BCL3: variants seen among roughly 807,000 people sequenced by gnomAD.
BCL3 encodes B-cell lymphoma 3 protein.
Under a neutral mutation model 35.7 loss-of-function variants are expected in BCL3, and 15 were observed. The ratio of observed to expected loss-of-function variants is 0.42; its 90% CI spans 0.28 to 0.65. BCL3 has a LOEUF of 0.65. BCL3 is among the 30% of genes least tolerant of loss of function. The pLI is 0.22. For synonymous variants in BCL3, 311 were observed against 284.3 expected, an observed-to-expected ratio of 1.09 and a Z score of -0.95; for missense variants, 565 against 641.7, an observed-to-expected ratio of 0.88 and a Z score of 1.29.
At position 44,748,836 on chromosome 19, in the gene BCL3, C is replaced by T. The variant is rs1967118370; in HGVS notation, c.46C>T (p.Leu16=). The part of the protein sequence containing the change: ...AGAMDEGPVD[L]RTRPKAAGLP... ...GGCCATGGACGAGGGGCCCGTGGACCTGCGCACCCGGCCCAAGGCCGCCGG... is the reference window on the plus strand; with the variant it reads ...GGCCATGGACGAGGGGCCCGTGGACTTGCGCACCCGGCCCAAGGCCGCCGG... Residue 16 remains leucine (L), a synonymous_variant, in exon 1 of 9, where the codon CTG becomes TTG. Coordinates refer to ENST00000164227, the MANE Select transcript of BCL3 (RefSeq NM_005178.5). 1 of 1,108,314 alleles carries T rather than the reference C, an allele frequency of 9.0e-7. No individual in the cohort carries two copies. Among genetic ancestry groups the T allele is most frequent in the South Asian group, 4.3e-5 (1 of 23,366 alleles). The allele number at this position is 1,108,314 out of a possible 1,614,324, so 68.7% of individuals were successfully genotyped here.
At chr19:44,759,055 T>C (rs1389467360) in intron 8 of BCL3, among the ~76,000 whole-genome samples, 1 of 7,978 alleles carries the variant, frequency 1.3e-4, no homozygotes, top group Non-Finnish European at 2.3e-4. Flanking sequence ...CCCCAGCCCC[T>C]CCTCCCTCAG....
At chr19:44,759,114 T>A in intron 8 of BCL3, among the ~76,000 whole-genome samples, 1 of 55,026 alleles carries the variant, frequency 1.8e-5, no homozygotes, top group Admixed American at 2.3e-4. Context: ...ATCTCAAACC[T>A]CAGCCCCTCC....
chr19:44,758,156 C>G, intron 6 of BCL3, 90 bp from the exon 7 acceptor site: 1 of 1,318,716 alleles, frequency 7.6e-7, no homozygotes, highest in African/African-American at 1.5e-5. Context: ...TGCCGCCCCA[C>G]GTGCCGGCCA....
intron 1 of BCL3, among the ~76,000 whole-genome samples, chr19:44,749,287 G>A (rs904046574): frequency 2.0e-4 from 12 of 59,364 alleles, no homozygotes; most frequent in Admixed American, 8.8e-4. Context: ...AGTGACGTGG[G>A]GGGGGGGGGG....
At chr19:44,750,234 C>T (rs10401176) in intron 1 of BCL3, among the ~76,000 whole-genome samples, 25,392 of 152,134 alleles carry the variant, frequency 0.17, 2,388 homozygotes, top group South Asian at 0.26. Context: ...CAGTTTTCCC[C>T]GTCTGTGTGA....
chr19:44,759,576 C>A lies in BCL3; in HGVS notation c.1326C>A (p.Gly442=), dbSNP rs747334967. Residue 442 remains glycine (G), a synonymous_variant, in exon 9 of 9, where the codon GGC becomes GGA. Transcript: ENST00000164227. ...TTGCTGGGGTCCTCCGAGGCCCTGG[C>A]CGGCCGGTGCCCCCCTCCCCAGCTC... The part of the protein sequence containing the change: ...LPFAGVLRGP[G]RPVPPSPAPG... The A allele has an allele frequency of 1.2e-6, 2 of 1,609,632 alleles. No homozygotes were observed. Among genetic ancestry groups the A allele is most frequent in the South Asian group, 1.1e-5 (1 of 90,854 alleles).
Position 44,757,959 on chromosome 19 carries a change from GC to G in BCL3, c.891+238del, listed in dbSNP as rs1190715307. 6.6e-6 allele frequency among the ~76,000 whole-genome samples: 1 copy of G among 152,074 alleles called. No homozygotes were observed. Among genetic ancestry groups the G allele is most frequent in the Non-Finnish European group, 1.5e-5 (1 of 67,996 alleles). ...ACGGCCTAGGCCCCGCCCTGCGATG[GC>G]CTGGCTGACCCCGCCTTCCAGCTAG... is the stretch of plus-strand genomic sequence containing the variant. On this transcript the variant is annotated intron_variant, in intron 6 of 8. Transcript: ENST00000164227. This position sits in a 1 kb window ranked among gnomAD's most constrained non-coding sequence, Gnocchi z 8.4.
upstream of BCL3, chr19:44,748,631 C>T (rs1967112787): frequency 1.2e-5 from 11 of 915,630 alleles, no homozygotes; most frequent in South Asian, 5.3e-5. Flanking sequence ...CGGGTGGCCC[C>T]GGGGGGGCCG....
chr19:44,749,297 G>GGGC (rs1967132401), intron 1 of BCL3, among the ~76,000 whole-genome samples: 1 of 129,820 alleles, frequency 7.7e-6, no homozygotes, highest in Non-Finnish European at 1.7e-5. Flanking sequence ...GGGGGGGGGG[G>GGGC]CCAGGGACAA....
At chr19:44,749,666 G>C (rs935686388) in intron 1 of BCL3, among the ~76,000 whole-genome samples, 3 of 152,142 alleles carry the variant, frequency 2.0e-5, no homozygotes, top group Admixed American at 6.5e-5. Flanking sequence ...CCAGATACCA[G>C]GGGGTCTTGA....
At position 44,748,927 on chromosome 19, in the gene BCL3, C is replaced by G. The variant is rs1346616682; in HGVS notation, c.137C>G (p.Ala46Gly). 5 of 1,189,134 alleles carry G rather than the reference C, an allele frequency of 4.2e-6. No homozygotes were observed. The highest frequency in any genetic ancestry group is 4.4e-5 in the Admixed American group (1 of 22,514). The allele number at this position is 1,189,134 out of a possible 1,614,324, so 73.7% of individuals were successfully genotyped here. A position where few individuals can be genotyped will look rare whatever the true frequency, so the allele number is the denominator to read the frequency against. Reference sequence around the variant, plus strand: ...CGCGCGCCCTCCCCGGAGCCCGCCGCTCCCCGCGGCGCTGCGGGCCTTGTC... The same window carrying G: ...CGCGCGCCCTCCCCGGAGCCCGCCGGTCCCCGCGGCGCTGCGGGCCTTGTC... ...PLRAPSPEPA[A>G]PRGAAGLVVP... Residue 46 changes from alanine to glycine, a missense_variant, in exon 1 of 9, where the codon GCT becomes GGT. Ala to Gly is a moderately conservative substitution (Grantham distance 60). Transcript: ENST00000164227.
At chr19:44,748,120 A>G (rs1399431519), upstream of BCL3, 9 of 1,312,376 alleles carry the variant, frequency 6.9e-6, no homozygotes, top group Non-Finnish European at 9.0e-6. Context: ...GGCCAAGGTC[A>G]CCCAGCGAGT....
Position 44,759,961 on chromosome 19 carries a change from G to A in BCL3, c.*346G>A, listed in dbSNP as rs889053582. ...CCAGATAACTGAGGAGGGGAGAGGT[G>A]GGCCGTAACGGGCACGGATCACGAT... On this transcript the variant is annotated 3_prime_UTR_variant, in exon 9 of 9. Coordinates refer to ENST00000164227, the MANE Select transcript of BCL3 (RefSeq NM_005178.5). 9.5e-5 allele frequency: 28 copies of A among 296,066 alleles called. No individual in the cohort carries two copies. The highest frequency in any genetic ancestry group is 1.5e-4 in the Non-Finnish European group (24 of 160,942). The allele number at this position is 296,066 out of a possible 1,614,324, so 18.3% of individuals were successfully genotyped here.
intron 8 of BCL3, 57 bp downstream of exon 8, chr19:44,758,898 C>T: frequency 7.2e-7 from 1 of 1,392,446 alleles, no homozygotes; most frequent in Non-Finnish European, 9.7e-7. Flanking sequence ...ACCCAGGAAT[C>T]CCAACCCACA....
intron 1 of BCL3, among the ~76,000 whole-genome samples, chr19:44,749,595 C>G (rs1260402948): frequency 6.6e-6 from 1 of 152,062 alleles, no homozygotes; most frequent in Non-Finnish European, 1.5e-5. Flanking sequence ...AGATGGGGTT[C>G]TGAGCACCCC....
At chr19:44,758,971 C>T in intron 8 of BCL3, 130 bp downstream of exon 8, 1 of 775,796 alleles carries the variant, frequency 1.3e-6, no homozygotes, top group South Asian at 1.8e-5. Flanking sequence ...CCCAGGAATC[C>T]CAACCCATAG....
At chr19:44,759,405 C>A (rs762139609) in intron 8 of BCL3, 23 bp from the exon 9 acceptor site, 5 of 1,545,314 alleles carry the variant, frequency 3.2e-6, no homozygotes, top group Non-Finnish European at 4.4e-6. Flanking sequence ...CCACCCACCC[C>A]TCTGTCTCTC....
intron 2 of BCL3, 49 bp downstream of exon 2, chr19:44,751,429 C>A: frequency 6.6e-7 from 1 of 1,505,806 alleles, no homozygotes; most frequent in South Asian, 1.3e-5. Flanking sequence ...GAAGACCAGC[C>A]GTCCATAACA....
In BCL3 at chr19:44,757,613, T is replaced by A; in HGVS notation, c.814-33T>A. ...GGTCGCCGGCTGCTGGAGCAGAGCTTGGAGAAACTAAGACCTTCCCTCCCC... is the reference window on the plus strand; with the variant it reads ...GGTCGCCGGCTGCTGGAGCAGAGCTAGGAGAAACTAAGACCTTCCCTCCCC... On this transcript the variant is annotated intron_variant, in intron 5 of 8. Transcript: ENST00000164227. This position sits in a 1 kb window ranked among gnomAD's most constrained non-coding sequence, Gnocchi z 8.4. The A allele has an allele frequency of 6.2e-7, 1 of 1,610,298 alleles. No individual in the cohort carries two copies. Among genetic ancestry groups the A allele is most frequent in the South Asian group, 1.1e-5 (1 of 90,882 alleles).
Sources: allele counts gnomAD v4.1 joint callset (sites outside exome capture counted in the v4.1 genomes callset), GRCh38; gene constraint gnomAD v4.1.1; non-coding constraint Gnocchi (gnomAD v3.1); transcripts MANE v1.5; gene names NCBI Gene and HGNC (gene_info 2026-07-23, HGNC 2026-07-21).